MTUS2: variants seen among roughly 807,000 people sequenced by gnomAD.
MTUS2 encodes microtubule associated scaffold protein 2, also known as microtubule-associated tumor suppressor candidate 2.
A neutral mutation model predicts 114.1 loss-of-function variants in MTUS2; 40 were observed. The observed-to-expected ratio is 0.35, with a 90% CI of 0.27 to 0.46. The LOEUF (loss-of-function observed/expected upper bound fraction) is 0.46, where lower values mean the gene tolerates loss of function less well. Among genes scored for constraint, MTUS2 ranks in the 20% least tolerant of loss-of-function variants. MTUS2 has a pLI of 1.00. For synonymous variants in MTUS2, 688 were observed against 672.0 expected (o/e 1.02, Z -0.37); for missense variants, 1,679 against 1,705.4 (o/e 0.98, Z 0.27).
rs189310446 is a variant in MTUS2 at position 28,880,797 on chromosome 13, C to T, written c.-243+40947C>T. Among the ~76,000 whole-genome samples the T allele has an allele frequency of 1.1e-3, 165 of 152,148 alleles. 1 individual carries two copies. Among genetic ancestry groups the T allele is most frequent in the South Asian group, 4.2e-4 (2 of 4,810 alleles). The stretch of plus-strand genomic sequence containing the variant: ...GTCACTTGAAAAGATGAGGCAGACA[C>T]GATTTTACCCATGGTTAACAGTACA... On this transcript the variant is annotated intron_variant, in intron 2 of 15. Transcript: ENST00000612955.
intron 5 of MTUS2, among the ~76,000 whole-genome samples, chr13:29,210,798 G>A (rs113483300): frequency 2.2e-4 from 34 of 152,294 alleles, no homozygotes; most frequent in African/African-American, 3.4e-4. Flanking sequence ...TCTGTCAGCC[G>A]TGAGTACGAG....
chr13:29,030,721 A>C (rs922015149), intron 3 of MTUS2, among the ~76,000 whole-genome samples: 4 of 152,170 alleles, frequency 2.6e-5, no homozygotes, highest in African/African-American at 9.7e-5. Flanking sequence ...TCAGTTATAG[A>C]AGCCAGATTT....
At chr13:29,393,392 A>T (rs1291653981) in intron 8 of MTUS2, among the ~76,000 whole-genome samples, 1 of 152,096 alleles carries the variant, frequency 6.6e-6, no homozygotes, top group Middle Eastern at 3.2e-3. Context: ...ACCTTTAAAA[A>T]CTTTTACTTT....
chr13:29,246,712 C>T (rs561834718), intron 5 of MTUS2, among the ~76,000 whole-genome samples: 1 of 152,106 alleles, frequency 6.6e-6, no homozygotes, highest in East Asian at 1.9e-4. Context: ...GGTTTTTAGC[C>T]CTCCACAAGG....
intron 6 of MTUS2, among the ~76,000 whole-genome samples, chr13:29,294,349 T>A (rs1332245974): frequency 6.6e-6 from 1 of 152,218 alleles, no homozygotes; most frequent in Non-Finnish European, 1.5e-5. Flanking sequence ...TTTTTAATGA[T>A]GTTGTAATAA....
At chr13:28,929,617 C>T (rs1015989291) in intron 2 of MTUS2, among the ~76,000 whole-genome samples, 1 of 152,150 alleles carries the variant, frequency 6.6e-6, no homozygotes, top group African/African-American at 2.4e-5. Context: ...AGAGTCCACA[C>T]TGCATTCAGG....
chr13:28,864,824 TG>T (rs796651952), intron 2 of MTUS2, among the ~76,000 whole-genome samples: 135 of 152,304 alleles, frequency 8.9e-4, no homozygotes, highest in African/African-American at 3.1e-3. Context: ...ATGTGAACCT[TG>T]GTTCCAAGTC....
intron 7 of MTUS2, among the ~76,000 whole-genome samples, chr13:29,344,944 T>C (rs1868518139): frequency 6.6e-6 from 1 of 152,206 alleles, no homozygotes; most frequent in South Asian, 2.1e-4. Flanking sequence ...ACAAAACTCA[T>C]GGCTGACAAT....
At chr13:29,381,819 G>GA (rs1353706454) in intron 8 of MTUS2, among the ~76,000 whole-genome samples, 5 of 151,532 alleles carry the variant, frequency 3.3e-5, no homozygotes, top group African/African-American at 1.2e-4. Flanking sequence ...ATGGAGCCTG[G>GA]AAAAATGTAC....
At chr13:29,181,906 T>C (rs367678148) in intron 5 of MTUS2, among the ~76,000 whole-genome samples, 95 of 152,212 alleles carry the variant, frequency 6.2e-4, no homozygotes, top group African/African-American at 2.1e-3. Context: ...ACTCTTCTGG[T>C]ATGGTTAAAT....
chr13:29,324,513 T>G, intron 6 of MTUS2, 100 bp from the exon 7 acceptor site: 2 of 770,326 alleles, frequency 2.6e-6, no homozygotes, highest in African/African-American at 1.7e-5. Context: ...TTTGTTGATA[T>G]GTTTGACTTT....
At chr13:29,437,562 TAG>T (rs1441793772) in intron 8 of MTUS2, among the ~76,000 whole-genome samples, 3 of 152,240 alleles carry the variant, frequency 2.0e-5, no homozygotes, top group African/African-American at 7.2e-5. Context: ...TCGGTCTGAT[TAG>T]AACATGTTCC....
chr13:29,405,987 C>T (rs1459659902), intron 8 of MTUS2, among the ~76,000 whole-genome samples: 1 of 152,116 alleles, frequency 6.6e-6, no homozygotes, highest in Non-Finnish European at 1.5e-5. Context: ...ATGATCCGCC[C>T]GCCTCAGCCT....
intron 2 of MTUS2, among the ~76,000 whole-genome samples, chr13:29,008,927 C>A (rs778106904): frequency 6.6e-6 from 1 of 151,412 alleles, no homozygotes; most frequent in Non-Finnish European, 1.5e-5. Context: ...TTGTTTTCTC[C>A]ATTCTTCTTC....
chr13:29,152,248 TAGAG>T (rs1356407724), intron 5 of MTUS2, among the ~76,000 whole-genome samples: 3 of 152,154 alleles, frequency 2.0e-5, no homozygotes, highest in East Asian at 1.9e-4. Context: ...GAAATTAAGA[TAGAG>T]AGGAGTTCCC....
chr13:28,998,353 C>G (rs1365684733), intron 2 of MTUS2, among the ~76,000 whole-genome samples: 2 of 152,170 alleles, frequency 1.3e-5, no homozygotes, highest in Admixed American at 1.3e-4. Flanking sequence ...TTTGATGAAT[C>G]TGACAATTAT....
chr13:28,915,938 TTC>T, intron 2 of MTUS2, among the ~76,000 whole-genome samples: 1 of 151,946 alleles, frequency 6.6e-6, no homozygotes, highest in Non-Finnish European at 1.5e-5. Context: ...GGTCTTAGAT[TTC>T]TAAGTCTTTA....
intron 7 of MTUS2, among the ~76,000 whole-genome samples, chr13:29,343,999 C>T (rs1751435041): frequency 6.6e-6 from 1 of 152,032 alleles, no homozygotes; most frequent in Middle Eastern, 3.4e-3. Context: ...AGTTTTATTC[C>T]ACTGTGGTTT....
chr13:29,470,316 C>T (rs1228378322), intron 9 of MTUS2, among the ~76,000 whole-genome samples: 1 of 152,208 alleles, frequency 6.6e-6, no homozygotes, highest in Non-Finnish European at 1.5e-5. Flanking sequence ...ATTTTTCATA[C>T]TAACTGACAA....
Sources: gnomAD v4.1 joint callset for allele counts (sites outside exome capture counted in the v4.1 genomes callset) on GRCh38, gnomAD v4.1.1 for gene constraint, MANE v1.5 for transcripts, NCBI Gene and HGNC (gene_info 2026-07-23, HGNC 2026-07-21) for gene names.